NFXL1: variants seen among roughly 807,000 people sequenced by gnomAD.
NFXL1 encodes NF-X1-type zinc finger protein NFXL1.
In NFXL1, 66 loss-of-function variants were observed where a neutral mutation model predicts 123.3. That is an observed-to-expected ratio of 0.54 (90% CI 0.44 to 0.66). NFXL1 has a LOEUF of 0.66. NFXL1 is among the 30% of genes least tolerant of loss of function. NFXL1 has a pLI of 0.00. For synonymous variants in NFXL1, 346 were observed against 360.8 expected (o/e 0.96, Z 0.46); for missense variants, 944 against 1,125.6 (o/e 0.84, Z 2.31).
At chr4:47,858,909 A>G (rs1734567933) in intron 19 of NFXL1, among the ~76,000 whole-genome samples, 1 of 152,340 alleles carries the variant, frequency 6.6e-6, no homozygotes, top group Admixed American at 6.5e-5. Context: ...ATTGCTTAAA[A>G]AAATTAAATC....
chr4:47,895,682 T>C (rs1274528463), intron 10 of NFXL1, among the ~76,000 whole-genome samples: 1 of 152,222 alleles, frequency 6.6e-6, no homozygotes, highest in Non-Finnish European at 1.5e-5. Flanking sequence ...TTTGATCTTG[T>C]TTGCAGACCT....
intron 19 of NFXL1, among the ~76,000 whole-genome samples, chr4:47,858,394 C>A (rs1734530392): frequency 6.6e-6 from 1 of 152,270 alleles, no homozygotes; most frequent in East Asian, 1.9e-4. Context: ...CAAGCAATTA[C>A]ACTACTGCAT....
intron 11 of NFXL1, among the ~76,000 whole-genome samples, chr4:47,893,007 A>G (rs1736866969): frequency 6.6e-6 from 1 of 152,156 alleles, no homozygotes; most frequent in Non-Finnish European, 1.5e-5. Flanking sequence ...GAACATGCTA[A>G]GGAGAAACAC....
At chr4:47,907,076 CAT>C (rs1293966586) in intron 3 of NFXL1, among the ~76,000 whole-genome samples, 1 of 152,178 alleles carries the variant, frequency 6.6e-6, no homozygotes, top group Non-Finnish European at 1.5e-5. Flanking sequence ...ATTTAATCCA[CAT>C]GTTAAGCAGC....
chr4:47,884,913 G>C (rs1330018585), intron 14 of NFXL1, among the ~76,000 whole-genome samples: 1 of 152,010 alleles, frequency 6.6e-6, no homozygotes, highest in East Asian at 1.9e-4. Flanking sequence ...GATCACTTGA[G>C]GTCAGGAGTT....
At chr4:47,865,626 G>T (rs190038036) in intron 18 of NFXL1, among the ~76,000 whole-genome samples, 1 of 152,180 alleles carries the variant, frequency 6.6e-6, no homozygotes. Context: ...ACAGAAAAAG[G>T]TCCCCCTAAA....
intron 11 of NFXL1, among the ~76,000 whole-genome samples, chr4:47,891,658 TAC>T (rs773196124): frequency 2.6e-5 from 4 of 152,158 alleles, no homozygotes; most frequent in Admixed American, 6.5e-5. Context: ...GGAAAGGAAA[TAC>T]AGACTACAAT....
chr4:47,851,262 A>G, intron 21 of NFXL1, 114 bp from the exon 22 acceptor site: 1 of 710,122 alleles, frequency 1.4e-6, no homozygotes, highest in Non-Finnish European at 2.4e-6. Flanking sequence ...AGGAGCTTGA[A>G]ATCATTTAAA....
At chr4:47,858,616 T>C (rs1251289202) in intron 19 of NFXL1, among the ~76,000 whole-genome samples, 1 of 152,232 alleles carries the variant, frequency 6.6e-6, no homozygotes, top group African/African-American at 2.4e-5. Flanking sequence ...AAGTGCATAC[T>C]TTTAAACTTT....
intron 9 of NFXL1, 74 bp downstream of exon 9, chr4:47,897,893 G>A (rs1452595525): frequency 1.1e-6 from 1 of 899,764 alleles, no homozygotes; most frequent in Non-Finnish European, 1.7e-6. Flanking sequence ...GTTTCCTGGA[G>A]GACGTCTTTT....
intron 5 of NFXL1, among the ~76,000 whole-genome samples, chr4:47,902,087 C>T (rs1054656197): frequency 3.9e-5 from 6 of 151,988 alleles, no homozygotes; most frequent in African/African-American, 9.7e-5. Context: ...GAGGCTGAGA[C>T]GGGAGAATCG....
chr4:47,890,299 T>A (rs543373685), intron 12 of NFXL1, among the ~76,000 whole-genome samples: 1 of 152,080 alleles, frequency 6.6e-6, no homozygotes, highest in Non-Finnish European at 1.5e-5. Context: ...TAAAAAATTA[T>A]GTGGGGAAAG....
chr4:47,847,763 C>G lies in NFXL1; in HGVS notation c.*400G>C, dbSNP rs1200939775. The G allele has an allele frequency of 6.5e-6, 1 of 153,686 alleles. No individual in the cohort carries two copies. Among genetic ancestry groups the G allele is most frequent in the Non-Finnish European group, 1.5e-5 (1 of 68,846 alleles). The allele number at this position is 153,686 out of a possible 1,614,324, so 9.5% of individuals were successfully genotyped here. A position where few individuals can be genotyped will look rare whatever the true frequency, so the allele number is the denominator to read the frequency against. On this transcript the variant is annotated 3_prime_UTR_variant, in exon 23 of 23. Transcript: ENST00000507489. The stretch of plus-strand genomic sequence containing the variant: ...AGTTAACAGTATCAAGAAAAGTACT[C>G]TATCATAAGTAACCAAAACATTAAG...
intron 12 of NFXL1, 37 bp downstream of exon 12, chr4:47,890,576 C>G: frequency 8.6e-7 from 1 of 1,163,914 alleles, no homozygotes; most frequent in Non-Finnish European, 1.3e-6. Flanking sequence ...CACTACATCA[C>G]TACAAACATA....
At chr4:47,875,604 T>C (rs1350967883) in intron 17 of NFXL1, among the ~76,000 whole-genome samples, 1 of 152,162 alleles carries the variant, frequency 6.6e-6, no homozygotes, top group African/African-American at 2.4e-5. Flanking sequence ...TGTAAATTAC[T>C]TCCTAAAGAA....
At chr4:47,913,670 C>A (rs1344232413) in intron 2 of NFXL1, among the ~76,000 whole-genome samples, 4 of 152,154 alleles carry the variant, frequency 2.6e-5, no homozygotes, top group Non-Finnish European at 1.5e-5. Context: ...ACATTATAGA[C>A]CAAATCAGAA....
At chr4:47,874,921 T>C (rs751901133) in intron 18 of NFXL1, among the ~76,000 whole-genome samples, 1 of 151,916 alleles carries the variant, frequency 6.6e-6, no homozygotes, top group Non-Finnish European at 1.5e-5. Context: ...AATCCCGAAA[T>C]GGAAAAAAAG....
In NFXL1 at chr4:47,875,698, A is replaced by G. The variant is rs1735706040; in HGVS notation, c.2080-405T>C. Among the ~76,000 whole-genome samples, 3 of 152,202 alleles carry G rather than the reference A, an allele frequency of 2.0e-5. No individual in the cohort carries two copies. In the South Asian group the frequency reaches 6.2e-4, roughly 31 times the overall value. On this transcript the variant is annotated intron_variant, in intron 17 of 22. Transcript: ENST00000507489. ...AATCAACACTGAACTAAAGAAATCAATACACTGTTAACACATAAATAAAAA... is the reference window on the plus strand; with the variant it reads ...AATCAACACTGAACTAAAGAAATCAGTACACTGTTAACACATAAATAAAAA...
At chr4:47,872,879 T>C (rs1735538306) in intron 18 of NFXL1, among the ~76,000 whole-genome samples, 1 of 152,206 alleles carries the variant, frequency 6.6e-6, no homozygotes, top group Admixed American at 6.5e-5. Flanking sequence ...ATCAATTGAC[T>C]CTTCCTTTCA....
Sources: gnomAD v4.1 joint callset for allele counts (sites outside exome capture counted in the v4.1 genomes callset) on GRCh38, gnomAD v4.1.1 for gene constraint, MANE v1.5 for transcripts, NCBI Gene and HGNC (gene_info 2026-07-23, HGNC 2026-07-21) for gene names.